The following PCDHA7 variants were observed in gnomAD, a reference collection of about 807,000 sequenced individuals.
PCDHA7 encodes protocadherin alpha-7.
PCDHA7 carries 37 observed loss-of-function variants against 57.2 expected under a neutral mutation model. That is an observed-to-expected ratio of 0.65 (90% CI 0.50 to 0.85). PCDHA7 has a LOEUF of 0.85. PCDHA7 is among the 40% of genes least tolerant of loss of function. PCDHA7 has a pLI of 0.00. For missense variants in PCDHA7, 1,188 were observed against 1,241.8 expected, an observed-to-expected ratio of 0.96 and a Z score of 0.65; for synonymous variants, 553 against 558.8, an observed-to-expected ratio of 0.99 and a Z score of 0.15.
At chr5:140,882,000 G>A in intron 1 of PCDHA7, 1 of 477,842 alleles carries the variant, frequency 2.1e-6, no homozygotes, top group Non-Finnish European at 3.5e-6. Flanking sequence ...GGAAATGCAA[G>A]GGGCAAAAAA....
At chr5:140,860,155 ATATATATATG>A (rs1439486095) in intron 1 of PCDHA7, 1 of 149,648 alleles carries the variant, frequency 6.7e-6, no homozygotes, top group Non-Finnish European at 1.5e-5. Flanking sequence ...ATATATGTGT[ATATATATATG>A]TATATATATA....
chr5:140,890,068 T>C (rs1353953909), intron 1 of PCDHA7, among the ~76,000 whole-genome samples: 2 of 152,196 alleles, frequency 1.3e-5, no homozygotes, highest in African/African-American at 4.8e-5. Flanking sequence ...TTTACTGGCT[T>C]ATGAGAACTG....
chr5:140,924,910 AT>A (rs1554202346), intron 1 of PCDHA7, among the ~76,000 whole-genome samples: 33 of 63,422 alleles, frequency 5.2e-4, no homozygotes, highest in African/African-American at 1.8e-3. Context: ...AAAAAATAAA[AT>A]AAAATAAAAT....
At chr5:140,925,826 G>T (rs1284588733) in intron 1 of PCDHA7, among the ~76,000 whole-genome samples, 3 of 152,066 alleles carry the variant, frequency 2.0e-5, no homozygotes, top group Non-Finnish European at 2.9e-5. Flanking sequence ...CTTCTTTGGG[G>T]ACGGGTCGTC....
chr5:140,894,572 T>C (rs2064553478), intron 1 of PCDHA7, among the ~76,000 whole-genome samples: 2 of 152,010 alleles, frequency 1.3e-5, no homozygotes, highest in Admixed American at 6.5e-5. Flanking sequence ...TATTTTCCTT[T>C]TTTTTAATAT....
At chr5:140,986,031 G>A (rs1443664535) in intron 3 of PCDHA7, among the ~76,000 whole-genome samples, 5 of 152,198 alleles carry the variant, frequency 3.3e-5, no homozygotes, top group South Asian at 2.1e-4. Flanking sequence ...GAGCCACTGC[G>A]CCTGGCCTCA....
intron 1 of PCDHA7, chr5:140,848,313 C>A: frequency 2.7e-6 from 2 of 730,622 alleles, no homozygotes; most frequent in Non-Finnish European, 4.5e-6. Flanking sequence ...CACTCTTTGC[C>A]GCGATGTTCT....
At chr5:140,983,992 C>A (rs2097080247) in intron 3 of PCDHA7, among the ~76,000 whole-genome samples, 1 of 152,200 alleles carries the variant, frequency 6.6e-6, no homozygotes, top group Non-Finnish European at 1.5e-5. Flanking sequence ...TGAAGCAATT[C>A]ATTAGAGAGC....
Position 140,835,601 on chromosome 5 carries a change from A to C in PCDHA7, c.1218A>C (p.Ser406=), listed in dbSNP as rs2150239166. 6.2e-7 allele frequency: 1 copy of C among 1,613,906 alleles called. No individual in the cohort carries two copies. Among genetic ancestry groups the C allele is most frequent in the South Asian group, 1.1e-5 (1 of 91,072 alleles). ...KLVSTFKNYY[S]LVLDSALDRE... ...TGTCCACCTTCAAGAATTACTATTC[A>C]TTGGTGCTGGACAGCGCTCTGGACC... Residue 406 remains serine, a synonymous_variant, in exon 1 of 4, where the codon TCA becomes TCC. Coordinates refer to ENST00000525929, the MANE Select transcript of PCDHA7 (RefSeq NM_018910.3).
intron 1 of PCDHA7, among the ~76,000 whole-genome samples, chr5:140,923,038 T>C (rs529637754): frequency 1.2e-4 from 19 of 152,316 alleles, no homozygotes; most frequent in Admixed American, 1.0e-3. Context: ...TTACTACATG[T>C]ATAGTATTTA....
chr5:140,863,136 G>A (rs1554157813), intron 1 of PCDHA7: 5 of 603,754 alleles, frequency 8.3e-6, no homozygotes, highest in South Asian at 5.5e-5. Context: ...ACCGCCTGCT[G>A]GTGCTGGTGA....
At chr5:141,001,908 G>T (rs2098043431) in intron 3 of PCDHA7, among the ~76,000 whole-genome samples, 1 of 152,198 alleles carries the variant, frequency 6.6e-6, no homozygotes, top group Non-Finnish European at 1.5e-5. Flanking sequence ...GTTTGAAAAA[G>T]ACTGCAGTGG....
Position 140,835,536 on chromosome 5 carries a change from G to T in PCDHA7, c.1153G>T (p.Val385Phe). ...CCGAGATTTTGGAGTCAACGGACAG[G>T]TTACCTGCTCCCTGACGCCCCGCGT... ...FDRDFGVNGQ[V>F]TCSLTPRVPF... is the part of the protein sequence containing the mutation. The change falls in exon 1 of 4, where the codon GTT becomes TTT. Residue 385 changes from valine to phenylalanine, a missense_variant. This residue lies in a region of PCDHA7 where 892 missense variants were observed against 788.5 expected (regional missense o/e 1.13). Coordinates refer to ENST00000525929, the MANE Select transcript of PCDHA7 (RefSeq NM_018910.3). 5.6e-6 allele frequency: 9 copies of T among 1,613,940 alleles called. No individual in the cohort carries two copies. The highest frequency in any genetic ancestry group is 7.6e-6 in the Non-Finnish European group (9 of 1,179,872).
At chr5:140,857,777 A>C in intron 1 of PCDHA7, 1 of 1,597,518 alleles carries the variant, frequency 6.3e-7, no homozygotes, top group South Asian at 1.1e-5. Flanking sequence ...CGGTGCAGTC[A>C]GTGAGCTGGT....
At chr5:140,886,254 CTATT>C (rs1407308299) in intron 1 of PCDHA7, among the ~76,000 whole-genome samples, 1 of 151,720 alleles carries the variant, frequency 6.6e-6, no homozygotes, top group African/African-American at 2.4e-5. Context: ...AAAAGTATCT[CTATT>C]TATAGATAAA....
intron 1 of PCDHA7, among the ~76,000 whole-genome samples, chr5:140,845,551 C>A (rs1311867646): frequency 6.7e-6 from 1 of 149,234 alleles, no homozygotes. Context: ...TATGGTGATG[C>A]TTTTAGCTAT....
intron 1 of PCDHA7, chr5:140,882,514 C>T: frequency 2.5e-6 from 4 of 1,614,150 alleles, no homozygotes; most frequent in Non-Finnish European, 3.4e-6. Context: ...TGCAGAATGG[C>T]ATTTTGTTTG....
At chr5:140,930,906 C>T (rs1235701028) in intron 1 of PCDHA7, among the ~76,000 whole-genome samples, 1 of 152,134 alleles carries the variant, frequency 6.6e-6, no homozygotes, top group African/African-American at 2.4e-5. Flanking sequence ...ACTTACTTTT[C>T]TACTTTAGAT....
Position 140,856,344 on chromosome 5 carries a change from T to C in PCDHA7, c.2355+19606T>C, listed in dbSNP as rs782335067. 2.8e-5 allele frequency: 45 copies of C among 1,598,188 alleles called. 4 individuals are homozygous for C. The highest frequency in any genetic ancestry group is 1.5e-4 in the Admixed American group (9 of 59,260). On this transcript the variant is annotated intron_variant, in intron 1 of 3. Transcript: ENST00000525929. The stretch of plus-strand genomic sequence containing the variant: ...CGCGAGGAGCTGTGCGGGCGGAGCG[T>C]GGAGTGCAGCATCCACCTGGAGGTG...
Sources: gnomAD v4.1 joint callset for allele counts (sites outside exome capture counted in the v4.1 genomes callset) on GRCh38, gnomAD v4.1.1 for gene constraint, gnomAD v4.1.1 regional missense constraint, MANE v1.5 for transcripts, NCBI Gene and HGNC (gene_info 2026-07-23, HGNC 2026-07-21) for gene names.